ICAM1: variants seen among roughly 807,000 people sequenced by gnomAD.
The protein encoded by ICAM1 is intercellular adhesion molecule 1, also known as ICAM-1.
ICAM1 carries 28 observed loss-of-function variants against 42.3 expected under a neutral mutation model. The ratio of observed to expected loss-of-function variants is 0.66; its 90% CI spans 0.49 to 0.91. ICAM1 has a LOEUF of 0.91. Ranked by LOEUF, ICAM1 falls within the 40% of genes least tolerant of loss-of-function variation. The pLI is 0.00. For synonymous variants in ICAM1, 304 were observed against 305.9 expected (o/e 0.99, Z 0.07); for missense variants, 637 against 688.6 (o/e 0.93, Z 0.84).
intron 1 of ICAM1, 32 bp downstream of exon 1, chr19:10,271,258 G>A (rs1178592900): frequency 1.2e-6 from 2 of 1,601,224 alleles, no homozygotes; most frequent in East Asian, 2.2e-5. Context: ...CGTCGGGCCA[G>A]TTCTCCGAAG....
In ICAM1 at chr19:10,276,975, C is replaced by CAA. The variant is rs536596915; in HGVS notation, c.331+1962_331+1963dup. Among the ~76,000 whole-genome samples the CAA allele has an allele frequency of 6.5e-3, 516 of 79,300 alleles. 5 individuals are homozygous for CAA. Among genetic ancestry groups the CAA allele is most frequent in the Non-Finnish European group, 8.5e-3 (355 of 41,888 alleles). The allele number at this position is 79,300 out of a possible 152,430, so 52.0% of individuals were successfully genotyped here. On this transcript the variant is annotated intron_variant, in intron 2 of 6. Coordinates refer to ENST00000264832, the MANE Select transcript of ICAM1 (RefSeq NM_000201.3). ...GGGCAACAAGAGCAAAACTCCATCT[C>CAA]AAAAAAAAAAAAAAAAGAAATAAAA... is the stretch of plus-strand genomic sequence containing the variant.
chr19:10,286,357 C>T lies in ICAM1; in HGVS notation c.*1070C>T, dbSNP rs867951773. ...CTCCCAGCTTTGGAAGCCTCATCCG[C>T]GTGTGTGTGTGTGTGTATGTGTAGA... On this transcript the variant is annotated 3_prime_UTR_variant, in exon 7 of 7. Coordinates refer to ENST00000264832, the MANE Select transcript of ICAM1 (RefSeq NM_000201.3). The T allele has an allele frequency of 1.4e-3, 210 of 151,340 alleles. No homozygotes were observed. Among genetic ancestry groups the T allele is most frequent in the African/African-American group, 4.4e-3 (183 of 41,260 alleles). 9.4% of individuals were successfully genotyped at this position (151,340 alleles called of 1,614,324 possible). A position where few individuals can be genotyped will look rare whatever the true frequency, so the allele number is the denominator to read the frequency against.
At chr19:10,276,601 C>T (rs1002930510) in intron 2 of ICAM1, among the ~76,000 whole-genome samples, 8 of 147,242 alleles carry the variant, frequency 5.4e-5, no homozygotes, top group African/African-American at 1.8e-4. Context: ...GCTATTGGAA[C>T]GTAGGAGGTC....
At chr19:10,277,963 C>G (rs1442262754) in intron 2 of ICAM1, among the ~76,000 whole-genome samples, 1 of 152,152 alleles carries the variant, frequency 6.6e-6, no homozygotes, top group Admixed American at 6.6e-5. Flanking sequence ...TTTAGAAGGC[C>G]GAAGTAGAAG....
chr19:10,286,532 A>ATTT lies in ICAM1; in HGVS notation c.*1257_*1259dup. On this transcript the variant is annotated 3_prime_UTR_variant, in exon 7 of 7. Coordinates refer to ENST00000264832, the MANE Select transcript of ICAM1 (RefSeq NM_000201.3). ...CACAACACCACACCTGGCAAATTTG[A>ATTT]TTTTTTTTTTTTTTCCAGAGACGGG... The ATTT allele has an allele frequency of 1.4e-5, 2 of 146,956 alleles. No homozygotes were observed. The highest frequency in any genetic ancestry group is 3.0e-5 in the Non-Finnish European group (2 of 67,742). 9.1% of individuals were successfully genotyped at this position (146,956 alleles called of 1,614,324 possible).
At position 10,279,268 on chromosome 19, in the gene ICAM1, G is replaced by A. The variant is rs549329665; in HGVS notation, c.332-4213G>A. Among the ~76,000 whole-genome samples, 5 of 152,176 alleles carry A rather than the reference G, an allele frequency of 3.3e-5. No homozygotes were observed. In the East Asian group the frequency reaches 9.7e-4, roughly 29 times the overall value. On this transcript the variant is annotated intron_variant, in intron 2 of 6. Transcript: ENST00000264832. ...GAGGAGGTAGGTTGGTGTAGGCCAG[G>A]TGCAGTGGCTCACACCTGTAATCCC... is the stretch of plus-strand genomic sequence containing the variant.
In ICAM1 at chr19:10,283,765, C is replaced by A. The variant is rs1045821147; in HGVS notation, c.616C>A (p.Pro206Thr). Residue 206 changes from proline to threonine, a missense_variant, in exon 3 of 7, where the codon CCC becomes ACC. Physicochemically the swap from Pro to Thr is conservative, Grantham distance 38 (BLOSUM62 -1). Transcript: ENST00000264832. ...GLELFENTSA[P>T]YQLQTFVLPA... ...GGAGCTGTTTGAGAACACCTCGGCCCCCTACCAGCTCCAGACCTTTGGTGA... is the reference window on the plus strand; with the variant it reads ...GGAGCTGTTTGAGAACACCTCGGCCACCTACCAGCTCCAGACCTTTGGTGA... 5 of 1,608,866 alleles carry A rather than the reference C, an allele frequency of 3.1e-6. No homozygotes were observed. Among genetic ancestry groups the A allele is most frequent in the South Asian group, 2.2e-5 (2 of 90,696 alleles).
intron 1 of ICAM1, 122 bp from the exon 2 acceptor site, chr19:10,274,643 C>A: frequency 8.8e-7 from 1 of 1,140,132 alleles, no homozygotes; most frequent in Non-Finnish European, 1.2e-6. Context: ...TTAACTTCCA[C>A]ATCGAAGGCA....
intron 2 of ICAM1, among the ~76,000 whole-genome samples, chr19:10,280,792 C>T (rs2040050371): frequency 6.6e-6 from 1 of 151,466 alleles, no homozygotes; most frequent in Non-Finnish European, 1.5e-5. Context: ...TGGTCTCGAA[C>T]TCCCAACCTC....
At chr19:10,280,793 T>C (rs566263411) in intron 2 of ICAM1, among the ~76,000 whole-genome samples, 2 of 149,976 alleles carry the variant, frequency 1.3e-5, no homozygotes, top group East Asian at 2.0e-4. Context: ...GGTCTCGAAC[T>C]CCCAACCTCA....
intron 2 of ICAM1, among the ~76,000 whole-genome samples, chr19:10,275,705 C>CTTT (rs568025125): frequency 3.3e-4 from 36 of 109,274 alleles, no homozygotes; most frequent in African/African-American, 4.9e-4. Context: ...CTGTTTCTTT[C>CTTT]TTTTTTTTTT....
intron 2 of ICAM1, among the ~76,000 whole-genome samples, chr19:10,277,988 C>T (rs1286476919): frequency 6.6e-6 from 1 of 152,090 alleles, no homozygotes; most frequent in East Asian, 1.9e-4. Flanking sequence ...GCTTGGAGGC[C>T]AGGAGTTGGA....
rs372389375 is a variant in ICAM1, at chr19:10,285,187, C to T, written c.1499C>T (p.Thr500Met). The change falls in exon 7 of 7, where the codon ACG becomes ATG. Residue 500 changes from threonine to methionine, a missense_variant. By Grantham distance (81) the Thr-to-Met change is moderately conservative. Transcript: ENST00000264832. Reference protein sequence around the residue: ...AVIMGTAGLSTYLYNRQRKIK... With the variant: ...AVIMGTAGLSMYLYNRQRKIK... ...ATAATGGGCACTGCAGGCCTCAGCACGTACCTCTATAACCGCCAGCGGAAG... is the reference window on the plus strand; with the variant it reads ...ATAATGGGCACTGCAGGCCTCAGCATGTACCTCTATAACCGCCAGCGGAAG... 3.5e-5 allele frequency: 57 copies of T among 1,613,984 alleles called. No homozygotes were observed. The highest frequency in any genetic ancestry group is 1.6e-4 in the Middle Eastern group (1 of 6,084).
At chr19:10,278,612 G>A (rs2040033984) in intron 2 of ICAM1, among the ~76,000 whole-genome samples, 1 of 126,408 alleles carries the variant, frequency 7.9e-6, no homozygotes, top group Non-Finnish European at 1.6e-5. Flanking sequence ...GCCCAGGCTG[G>A]ATCACTGCAA....
Position 10,284,814 on chromosome 19 carries a change from G to A in ICAM1, c.1212G>A (p.Pro404=), listed in dbSNP as rs753646159. 25 of 1,601,228 alleles carry A rather than the reference G, an allele frequency of 1.6e-5. No individual in the cohort carries two copies. Among genetic ancestry groups the A allele is most frequent in the African/African-American group, 9.5e-5 (7 of 73,780 alleles). ...YGPRLDERDC[P]GNWTWPENSQ... is the part of the protein sequence containing the mutation. The stretch of plus-strand genomic sequence containing the variant: ...CCCGACTGGACGAGAGGGATTGTCC[G>A]GGAAACTGGACGTGGCCAGAAAATT... The change falls in exon 6 of 7, where the codon CCG becomes CCA. Residue 404 remains proline (P), a synonymous_variant. Transcript: ENST00000264832. This position sits in a 1 kb window ranked among gnomAD's most constrained non-coding sequence, Gnocchi z 5.4.
chr19:10,273,150 G>A (rs574040702), intron 1 of ICAM1, among the ~76,000 whole-genome samples: 23 of 152,128 alleles, frequency 1.5e-4, no homozygotes, highest in Non-Finnish European at 3.1e-4. Context: ...CTTGAGGCCA[G>A]GAGTTTGAGA....
chr19:10,285,730 C>T lies in ICAM1; in HGVS notation c.*443C>T, dbSNP rs1218495406. 3 of 168,282 alleles carry T rather than the reference C, an allele frequency of 1.8e-5. No individual in the cohort carries two copies. Among genetic ancestry groups the T allele is most frequent in the Non-Finnish European group, 3.9e-5 (3 of 77,102 alleles). The allele number at this position is 168,282 out of a possible 1,614,324, so 10.4% of individuals were successfully genotyped here. On this transcript the variant is annotated 3_prime_UTR_variant, in exon 7 of 7. Coordinates refer to ENST00000264832, the MANE Select transcript of ICAM1 (RefSeq NM_000201.3). Reference sequence around the variant, plus strand: ...CATCAAAACACAAAGGCCCACACTTCCTGACGGATGCCAGCTTGGGCACTG... The same window carrying T: ...CATCAAAACACAAAGGCCCACACTTTCTGACGGATGCCAGCTTGGGCACTG...
In ICAM1 at chr19:10,286,532, A is replaced by ATT. The variant is rs769960199; in HGVS notation, c.*1258_*1259dup. ...CACAACACCACACCTGGCAAATTTG[A>ATT]TTTTTTTTTTTTTTCCAGAGACGGG... On this transcript the variant is annotated 3_prime_UTR_variant, in exon 7 of 7. Coordinates refer to ENST00000264832, the MANE Select transcript of ICAM1 (RefSeq NM_000201.3). The ATT allele has an allele frequency of 1.7e-4, 25 of 147,242 alleles. No individual in the cohort carries two copies. Among genetic ancestry groups the ATT allele is most frequent in the East Asian group, 3.9e-4 (2 of 5,178 alleles). The allele number at this position is 147,242 out of a possible 1,614,324, so 9.1% of individuals were successfully genotyped here. A position where few individuals can be genotyped will look rare whatever the true frequency, so the allele number is the denominator to read the frequency against.
chr19:10,276,628 G>A (rs967314059), intron 2 of ICAM1, among the ~76,000 whole-genome samples: 3 of 151,566 alleles, frequency 2.0e-5, no homozygotes, highest in Admixed American at 1.3e-4. Flanking sequence ...CAGTGCTGTT[G>A]GGAGCATAAA....
Sources: gnomAD v4.1 joint callset for allele counts (sites outside exome capture counted in the v4.1 genomes callset) on GRCh38, gnomAD v4.1.1 for gene constraint, Gnocchi (gnomAD v3.1) non-coding constraint, MANE v1.5 for transcripts, NCBI Gene and HGNC (gene_info 2026-07-23, HGNC 2026-07-21) for gene names.